NALF1: variants seen among roughly 807,000 people sequenced by gnomAD.
The protein encoded by NALF1 is NALCN channel auxiliary factor 1.
NALF1 carries 3 observed loss-of-function variants against 48.4 expected under a neutral mutation model. The observed-to-expected ratio is 0.06, with a 90% confidence interval of 0.03 to 0.16. The LOEUF (loss-of-function observed/expected upper bound fraction) is 0.16, where lower values mean the gene tolerates loss of function less well. NALF1 is among the 10% of genes least tolerant of loss of function. The probability of loss-of-function intolerance (pLI) is 1.00; values close to 1 mark genes in which losing one functional copy is unlikely to be tolerated. For synonymous variants in NALF1, 262 were observed against 245.7 expected (o/e 1.07, Z -0.62); for missense variants, 526 against 571.5 (o/e 0.92, Z 0.81).
intron 1 of NALF1, among the ~76,000 whole-genome samples, chr13:107,565,504 T>C (rs1877785431): frequency 6.6e-6 from 1 of 151,664 alleles, no homozygotes; most frequent in African/African-American, 2.4e-5. Context: ...AAACAAAAAC[T>C]CTATTTTCCA....
rs2138755850 is a variant in NALF1 at position 107,165,128 on chromosome 13, T to TA, written c.*5368dup. 2 of 152,260 alleles carry TA rather than the reference T, an allele frequency of 1.3e-5. No individual in the cohort carries two copies. The highest frequency in any genetic ancestry group is 3.9e-4 in the East Asian group (2 of 5,172). 9.4% of individuals were successfully genotyped at this position (152,260 alleles called of 1,614,324 possible). ...TTTTCTCCACATTAAAAATAAAAAT[T>TA]AAAAATCTATATTTTATTAAAATAT... On this transcript the variant is annotated 3_prime_UTR_variant, in exon 3 of 3. Coordinates refer to ENST00000375915, the MANE Select transcript of NALF1 (RefSeq NM_001080396.3).
chr13:107,256,894 T>C (rs1880827171), intron 1 of NALF1, among the ~76,000 whole-genome samples: 1 of 152,160 alleles, frequency 6.6e-6, no homozygotes, highest in Non-Finnish European at 1.5e-5. Flanking sequence ...TATACTAAGC[T>C]TAGGGATGCA....
At chr13:107,330,083 A>G (rs1882440449) in intron 1 of NALF1, among the ~76,000 whole-genome samples, 1 of 152,124 alleles carries the variant, frequency 6.6e-6, no homozygotes, top group Non-Finnish European at 1.5e-5. Context: ...CCTGCCCAGG[A>G]TGGACCCTAG....
intron 1 of NALF1, among the ~76,000 whole-genome samples, chr13:107,396,573 T>C (rs1594153952): frequency 6.6e-6 from 1 of 152,170 alleles, no homozygotes; most frequent in Admixed American, 6.6e-5. Context: ...TGACAGCAAA[T>C]GATCATTCTG....
chr13:107,192,613 T>G (rs1879306702), intron 2 of NALF1, among the ~76,000 whole-genome samples: 1 of 152,042 alleles, frequency 6.6e-6, no homozygotes, highest in Non-Finnish European at 1.5e-5. Flanking sequence ...CTAATTTATT[T>G]AACTAAAGGT....
At chr13:107,221,591 A>G (rs1322217741) in intron 1 of NALF1, among the ~76,000 whole-genome samples, 1 of 152,184 alleles carries the variant, frequency 6.6e-6, no homozygotes, top group Admixed American at 6.5e-5. Flanking sequence ...AAAAATAAAA[A>G]GTAAAAAAAT....
chr13:107,773,652 TC>T (rs1263999388), intron 1 of NALF1, among the ~76,000 whole-genome samples: 4 of 142,926 alleles, frequency 2.8e-5, no homozygotes, highest in Admixed American at 7.6e-5. Flanking sequence ...GTCCGCATGT[TC>T]TCACTCATAG....
At chr13:107,393,219 G>A (rs1485027579) in intron 1 of NALF1, among the ~76,000 whole-genome samples, 2 of 152,062 alleles carry the variant, frequency 1.3e-5, no homozygotes, top group African/African-American at 2.4e-5. Flanking sequence ...ACAGGAGAAA[G>A]AAGAAGGTCC....
At chr13:107,616,849 T>C (rs1879393565) in intron 1 of NALF1, among the ~76,000 whole-genome samples, 4 of 152,176 alleles carry the variant, frequency 2.6e-5, no homozygotes, top group African/African-American at 9.7e-5. Flanking sequence ...CACCTGCTCC[T>C]GGATGACACT....
intron 1 of NALF1, among the ~76,000 whole-genome samples, chr13:107,612,426 C>T (rs901532739): frequency 2.6e-5 from 4 of 152,040 alleles, no homozygotes; most frequent in Admixed American, 1.3e-4. Flanking sequence ...TTTTATACGT[C>T]GGCTTGCCTG....
intron 1 of NALF1, among the ~76,000 whole-genome samples, chr13:107,253,017 T>G (rs1464676868): frequency 6.6e-6 from 1 of 152,218 alleles, no homozygotes; most frequent in Non-Finnish European, 1.5e-5. Flanking sequence ...CTTTTTACAT[T>G]TCTATTATTT....
chr13:107,472,934 C>G (rs527419320), intron 1 of NALF1, among the ~76,000 whole-genome samples: 42 of 152,256 alleles, frequency 2.8e-4, no homozygotes, highest in African/African-American at 9.6e-4. Context: ...TGGGGAGAAA[C>G]AGAAGCATGC....
intron 1 of NALF1, among the ~76,000 whole-genome samples, chr13:107,545,604 G>GAT (rs1877114960): frequency 6.6e-6 from 1 of 152,080 alleles, no homozygotes; most frequent in South Asian, 2.1e-4. Context: ...GGTCAGAGCA[G>GAT]ATATGGAGCT....
chr13:107,851,015 T>C (rs1880300379), intron 1 of NALF1, among the ~76,000 whole-genome samples: 1 of 152,232 alleles, frequency 6.6e-6, no homozygotes, highest in Non-Finnish European at 1.5e-5. Context: ...ATCCTGCTTC[T>C]CTGCACATCC....
At chr13:107,432,198 C>G (rs1884394223) in intron 1 of NALF1, among the ~76,000 whole-genome samples, 1 of 152,106 alleles carries the variant, frequency 6.6e-6, no homozygotes, top group East Asian at 1.9e-4. Context: ...GGAGGCGCCA[C>G]AGTCTCTTAA....
intron 1 of NALF1, among the ~76,000 whole-genome samples, chr13:107,356,109 A>G (rs944942759): frequency 2.0e-5 from 3 of 152,202 alleles, no homozygotes; most frequent in African/African-American, 4.8e-5. Flanking sequence ...AGCCGATGTC[A>G]TGCTGCTAAT....
chr13:107,569,751 ATTAACT>A (rs527438169), intron 1 of NALF1, among the ~76,000 whole-genome samples: 156 of 151,956 alleles, frequency 1.0e-3, no homozygotes, highest in African/African-American at 3.3e-3. Context: ...ACATTTTAGA[ATTAACT>A]TTAAGTTGTC....
At chr13:107,231,468 C>T (rs1880223594) in intron 1 of NALF1, among the ~76,000 whole-genome samples, 1 of 152,096 alleles carries the variant, frequency 6.6e-6, no homozygotes, top group Admixed American at 6.6e-5. Context: ...ATAATTGTAA[C>T]TATTTGAAGT....
chr13:107,711,597 C>T (rs979929512), intron 1 of NALF1, among the ~76,000 whole-genome samples: 15 of 152,296 alleles, frequency 9.8e-5, no homozygotes, highest in African/African-American at 3.4e-4. Flanking sequence ...GATGCATTTG[C>T]AAAGGAAGAA....
Sources: allele counts gnomAD v4.1 joint callset (sites outside exome capture counted in the v4.1 genomes callset), GRCh38; gene constraint gnomAD v4.1.1; transcripts MANE v1.5; gene names NCBI Gene and HGNC (gene_info 2026-07-23, HGNC 2026-07-21).